CBX2: variants seen among roughly 807,000 people sequenced by gnomAD.
CBX2 encodes the protein chromobox protein homolog 2.
A neutral mutation model predicts 21.0 loss-of-function variants in CBX2; 11 were observed. The ratio of observed to expected loss-of-function variants is 0.52; its 90% CI spans 0.33 to 0.87. CBX2 has a LOEUF of 0.87. Ranked by LOEUF, CBX2 falls within the 40% of genes least tolerant of loss-of-function variation. The pLI, the probability that CBX2 is intolerant of heterozygous loss-of-function variation, is 0.02. For synonymous variants in CBX2, 364 were observed against 304.6 expected, an observed-to-expected ratio of 1.19 and a Z score of -2.03; for missense variants, 746 against 724.3, an observed-to-expected ratio of 1.03 and a Z score of -0.34.
In CBX2 at chr17:79,785,143, C is replaced by G; in HGVS notation, c.*101C>G. ...CCCAAGCCCCCTCAAGAGTCTGGGT[C>G]GGGGGAGGAGGAGTGGGTGGCCTCC... On this transcript the variant is annotated 3_prime_UTR_variant, in exon 5 of 5. Transcript: ENST00000310942. 9.4e-7 allele frequency: 1 copy of G among 1,063,300 alleles called. No individual in the cohort carries two copies. The highest frequency in any genetic ancestry group is 1.4e-6 in the Non-Finnish European group (1 of 707,914). The allele number at this position is 1,063,300 out of a possible 1,614,324, so 65.9% of individuals were successfully genotyped here. A position where few individuals can be genotyped will look rare whatever the true frequency, so the allele number is the denominator to read the frequency against.
chr17:79,784,341 G>A lies in CBX2; in HGVS notation c.898G>A (p.Gly300Arg), dbSNP rs374937596. 90 of 1,613,092 alleles carry A rather than the reference G, an allele frequency of 5.6e-5. No individual in the cohort carries two copies. Among genetic ancestry groups the A allele is most frequent in the Non-Finnish European group, 5.9e-5 (70 of 1,179,940 alleles). ...LKVRTQKGEL[G>R]MSPPGSKIPK... ...GGTGAGGACGCAGAAAGGGGAGCTG[G>A]GAATGAGCCCTCCAGGAAGCAAAAT... is the stretch of plus-strand genomic sequence containing the variant. The change falls in exon 5 of 5, where the codon GGA (glycine) becomes AGA (arginine). Residue 300 changes from glycine to arginine, a missense_variant. Gly to Arg is a moderately radical substitution (Grantham distance 125). Transcript: ENST00000310942. The surrounding 1 kb of genome is among the most constrained non-coding windows in gnomAD (Gnocchi z 5.9).
At position 79,781,642 on chromosome 17, in the gene CBX2, G is replaced by A. The variant is rs567947932; in HGVS notation, c.183-54G>A. 197 of 1,480,784 alleles carry A rather than the reference G, an allele frequency of 1.3e-4. No homozygotes were observed. In the African/African-American group the frequency reaches 2.6e-3, roughly 19 times the overall value. 91.7% of individuals were successfully genotyped at this position (1,480,784 alleles called of 1,614,324 possible). A position where few individuals can be genotyped will look rare whatever the true frequency, so the allele number is the denominator to read the frequency against. ...GCTGGAAGCCATAGAGTCCCACATGGTAGAAGGGGTACGCACAGGGCTTCT... is the reference window on the plus strand; with the variant it reads ...GCTGGAAGCCATAGAGTCCCACATGATAGAAGGGGTACGCACAGGGCTTCT... On this transcript the variant is annotated intron_variant, in intron 3 of 4. Transcript: ENST00000310942.
At chr17:79,779,559 T>G (rs887810342) in intron 3 of CBX2, 132 bp downstream of exon 3, 1 of 767,468 alleles carries the variant, frequency 1.3e-6, no homozygotes, top group Non-Finnish European at 2.3e-6. Flanking sequence ...CAAGATTGTG[T>G]CCAGGGCCAT....
Position 79,778,235 on chromosome 17 carries a change from C to T in CBX2, c.-1C>T, listed in dbSNP as rs1906879666. 1.4e-6 allele frequency: 2 copies of T among 1,460,668 alleles called. No homozygotes were observed. The highest frequency in any genetic ancestry group is 3.0e-5 in the East Asian group (1 of 33,020). 90.5% of individuals were successfully genotyped at this position (1,460,668 alleles called of 1,614,324 possible). Reference sequence around the variant, plus strand: ...CGCGGTCGGGCTGGCTGCCGGGCAGCATGGAGGAGCTGAGCAGCGTGGGCG... The same window carrying T: ...CGCGGTCGGGCTGGCTGCCGGGCAGTATGGAGGAGCTGAGCAGCGTGGGCG... On this transcript the variant is annotated 5_prime_UTR_variant, in exon 1 of 5. Transcript: ENST00000310942. This position sits in a 1 kb window ranked among gnomAD's most constrained non-coding sequence, Gnocchi z 4.8.
chr17:79,782,486 T>G (rs1555830662), intron 4 of CBX2: 11 of 1,201,106 alleles, frequency 9.2e-6, no homozygotes, highest in Admixed American at 7.8e-5. Flanking sequence ...GGGCCTGGCC[T>G]CAGTCCCGGG....
intron 4 of CBX2, chr17:79,782,409 C>T (rs997335570): frequency 1.3e-5 from 17 of 1,350,596 alleles, no homozygotes; most frequent in Non-Finnish European, 1.3e-5. Flanking sequence ...TGCATGCGCC[C>T]CTGGGGTCCG....
At chr17:79,779,795 G>C in intron 3 of CBX2, 1 of 318,676 alleles carries the variant, frequency 3.1e-6, no homozygotes, top group Non-Finnish European at 6.2e-6. Context: ...AACCAGGAGA[G>C]CAGGTTTGCC....
At position 79,787,470 on chromosome 17, in the gene CBX2, G is replaced by C. The variant is rs889961074; in HGVS notation, c.*2428G>C. ...GTGTGTTTTTCCTGGTGCTTCAAGA[G>C]CGTGTGCAGGGCAAGTGCCGTCACT... On this transcript the variant is annotated 3_prime_UTR_variant, in exon 5 of 5. Transcript: ENST00000310942. 1 of 152,684 alleles carries C rather than the reference G, an allele frequency of 6.5e-6. No individual in the cohort carries two copies. The highest frequency in any genetic ancestry group is 6.5e-5 in the Admixed American group (1 of 15,290). The allele number at this position is 152,684 out of a possible 1,614,324, so 9.5% of individuals were successfully genotyped here. A position where few individuals can be genotyped will look rare whatever the true frequency, so the allele number is the denominator to read the frequency against.
chr17:79,783,110 C>T (rs761303464), intron 4 of CBX2, among the ~76,000 whole-genome samples: 3 of 152,172 alleles, frequency 2.0e-5, no homozygotes, highest in Non-Finnish European at 4.4e-5. Flanking sequence ...CTCTACAGCC[C>T]GGAGCTAAAT....
At chr17:79,779,920 C>T (rs1469575937) in intron 3 of CBX2, among the ~76,000 whole-genome samples, 1 of 152,254 alleles carries the variant, frequency 6.6e-6, no homozygotes, top group African/African-American at 2.4e-5. Context: ...ATGTCTCTCT[C>T]AAGAAAGAAA....
In CBX2 at chr17:79,784,664, C is replaced by T. The variant is rs943462815; in HGVS notation, c.1221C>T (p.Asp407=). 1.9e-6 allele frequency: 3 copies of T among 1,612,434 alleles called. No individual in the cohort carries two copies. The highest frequency in any genetic ancestry group is 2.5e-6 in the Non-Finnish European group (3 of 1,179,844). The stretch of plus-strand genomic sequence containing the variant: ...CCAGCGGGGCCACCATGCCCACCGA[C>T]ACAAGCAAAAGTGAGAAGCTGGCTT... ...IGASGATMPT[D]TSKSEKLASR... is the part of the protein sequence containing the mutation. Residue 407 remains aspartate (D), a synonymous_variant, in exon 5 of 5, where the codon GAC becomes GAT. Coordinates refer to ENST00000310942, the MANE Select transcript of CBX2 (RefSeq NM_005189.3). The surrounding 1 kb of genome is among the most constrained non-coding windows in gnomAD (Gnocchi z 5.9).
chr17:79,781,465 T>C (rs1414107166), intron 3 of CBX2, among the ~76,000 whole-genome samples: 1 of 152,188 alleles, frequency 6.6e-6, no homozygotes, highest in Non-Finnish European at 1.5e-5. Flanking sequence ...CCAGCGTTGC[T>C]TTCCTGTCTT....
Position 79,785,229 on chromosome 17 carries a change from A to G in CBX2, c.*187A>G. The G allele has an allele frequency of 1.6e-6, 1 of 620,656 alleles. No homozygotes were observed. 38.4% of individuals were successfully genotyped at this position (620,656 alleles called of 1,614,324 possible). On this transcript the variant is annotated 3_prime_UTR_variant, in exon 5 of 5. Transcript: ENST00000310942. ...CCCACTCTGTCCCAGGACATAGGGC[A>G]GGGGGCCTCACTGCCTTGTTGGTCT...
At chr17:79,779,791 G>A (rs781854266) in intron 3 of CBX2, 25 of 320,740 alleles carry the variant, frequency 7.8e-5, no homozygotes, top group Non-Finnish European at 1.3e-4. Context: ...AGAAAACCAG[G>A]AGAGCAGGTT....
Position 79,784,751 on chromosome 17 carries a change from C to A in CBX2, c.1308C>A (p.Thr436=). Residue 436 remains threonine, a synonymous_variant, in exon 5 of 5, where the codon ACC becomes ACA. Transcript: ENST00000310942. The surrounding 1 kb of genome is among the most constrained non-coding windows in gnomAD (Gnocchi z 5.9). ...GGGACTGTGTCAAGGGCAGTGCTAC[C>A]CCCAGTGGGCAGGAGAGCCGCACAG... ...SKRDCVKGSA[T]PSGQESRTAP... The A allele has an allele frequency of 6.2e-7, 1 of 1,611,030 alleles. No homozygotes were observed. Among genetic ancestry groups the A allele is most frequent in the Non-Finnish European group, 8.5e-7 (1 of 1,179,152 alleles).
In CBX2 at chr17:79,787,792, T is replaced by G. The variant is rs1555832416; in HGVS notation, c.*2750T>G. 6.6e-6 allele frequency: 1 copy of G among 152,144 alleles called. No homozygotes were observed. Among genetic ancestry groups the G allele is most frequent in the East Asian group, 1.9e-4 (1 of 5,192 alleles). 9.4% of individuals were successfully genotyped at this position (152,144 alleles called of 1,614,324 possible). ...TTAGCATATTTTTATATGTATATAT[T>G]TTGTACCAAAAAAGAGTGTTCCTTG... On this transcript the variant is annotated 3_prime_UTR_variant, in exon 5 of 5. Transcript: ENST00000310942.
At chr17:79,783,511 G>C (rs1452007987) in intron 4 of CBX2, among the ~76,000 whole-genome samples, 1 of 151,738 alleles carries the variant, frequency 6.6e-6, no homozygotes, top group Non-Finnish European at 1.5e-5. Context: ...CCGATTTGAA[G>C]CAATTCTCCT....
chr17:79,783,592 T>C lies in CBX2; in HGVS notation c.289-140T>C, dbSNP rs1051296884. 25 of 732,356 alleles carry C rather than the reference T, an allele frequency of 3.4e-5. No individual in the cohort carries two copies. In the Admixed American group the frequency reaches 4.2e-4, roughly 12 times the overall value. 45.4% of individuals were successfully genotyped at this position (732,356 alleles called of 1,614,324 possible). On this transcript the variant is annotated intron_variant, in intron 4 of 4. Coordinates refer to ENST00000310942, the MANE Select transcript of CBX2 (RefSeq NM_005189.3). ...ACCCGGCTAATTTTTGTATTTTTAG[T>C]AGAAACAGGGCTCCACTATGTTGGC...
intron 3 of CBX2, chr17:79,779,720 G>A (rs781974938): frequency 1.1e-5 from 5 of 467,372 alleles, no homozygotes; most frequent in African/African-American, 5.9e-5. Context: ...AGTTGCTTCA[G>A]ATAAAGATGT....
Sources: gnomAD v4.1 joint callset for allele counts (sites outside exome capture counted in the v4.1 genomes callset) on GRCh38, gnomAD v4.1.1 for gene constraint, Gnocchi (gnomAD v3.1) non-coding constraint, MANE v1.5 for transcripts, NCBI Gene and HGNC (gene_info 2026-07-23, HGNC 2026-07-21) for gene names.